Variants in ZNF184 observed in about 807,000 individuals in gnomAD.
The protein encoded by ZNF184 is zinc finger protein 184, also known as zinc finger protein 184 (Kruppel-like).
In ZNF184, 16 loss-of-function variants were observed where a neutral mutation model predicts 54.4. The observed-to-expected ratio is 0.29, with a 90% CI of 0.20 to 0.45. ZNF184 has a LOEUF of 0.45. ZNF184 is among the 20% of genes least tolerant of loss of function. The pLI, the probability that ZNF184 is intolerant of heterozygous loss-of-function variation, is 1.00. For missense variants in ZNF184, 681 were observed against 888.2 expected (o/e 0.77, Z 2.97); for synonymous variants, 254 against 295.3 (o/e 0.86, Z 1.43).
chr6:27,456,758 T>C, intron 5 of ZNF184, 68 bp downstream of exon 5: 2 of 1,366,330 alleles, frequency 1.5e-6, no homozygotes, highest in African/African-American at 1.4e-5. Context: ...ACTTCAGACA[T>C]AAAATCCTCT....
At chr6:27,404,929 A>G in the ZNF184 span, 1 of 152,062 alleles carries the variant, frequency 6.6e-6, no homozygotes, top group Non-Finnish European at 1.5e-5. Context: ...AGGCACAAGA[A>G]TCGGTTGAAT....
the ZNF184 span, among the ~76,000 whole-genome samples, chr6:27,428,382 C>A: frequency 6.6e-6 from 1 of 152,172 alleles, no homozygotes; most frequent in Non-Finnish European, 1.5e-5. This position sits in a 1 kb window ranked among gnomAD's most constrained non-coding sequence, Gnocchi z 4.1. Flanking sequence ...TCACCATGCA[C>A]ACGTTTATTG....
chr6:27,425,048 C>T, the ZNF184 span, among the ~76,000 whole-genome samples: 1 of 152,214 alleles, frequency 6.6e-6, no homozygotes, highest in Non-Finnish European at 1.5e-5. Context: ...ACCCAGTACA[C>T]CCTCCGCAGC....
chr6:27,437,080 G>T, the ZNF184 span, among the ~76,000 whole-genome samples: 1 of 152,182 alleles, frequency 6.6e-6, no homozygotes, highest in South Asian at 2.1e-4. Flanking sequence ...AATACTCATA[G>T]TCAACTATTG....
chr6:27,438,670 A>G, the ZNF184 span, among the ~76,000 whole-genome samples: 1 of 152,206 alleles, frequency 6.6e-6, no homozygotes, highest in Non-Finnish European at 1.5e-5. Flanking sequence ...GAAATATCCC[A>G]ATATTAGCAA....
Position 27,451,622 on chromosome 6 carries a change from T to G in ZNF184, c.1937A>C (p.Lys646Thr). 2.5e-6 allele frequency: 4 copies of G among 1,614,148 alleles called. No individual in the cohort carries two copies. The highest frequency in any genetic ancestry group is 1.6e-4 in the Middle Eastern group (1 of 6,062). ...HTEEKPYQCN[K>T]CEKTFSQSSH... ...GCTCTGGCTAAAGGTCTTTTCACAT[T>G]TATTACACTGGTAGGGTTTTTCTTC... is the stretch of plus-strand genomic sequence containing the variant. Residue 646 changes from lysine to threonine, a missense_variant, in exon 6 of 6, where the codon AAA (lysine) becomes ACA (threonine). Lys to Thr is a moderately conservative substitution (Grantham distance 78). Transcript: ENST00000683788.
chr6:27,467,810 C>G, intron 3 of ZNF184, 43 bp downstream of exon 3: 1 of 1,552,146 alleles, frequency 6.4e-7, no homozygotes, highest in Non-Finnish European at 8.8e-7. Flanking sequence ...ACCACAATCA[C>G]CCTCTAAAGA....
the ZNF184 span, among the ~76,000 whole-genome samples, chr6:27,422,848 G>C: frequency 6.6e-6 from 1 of 152,146 alleles, no homozygotes; most frequent in Admixed American, 6.5e-5. Context: ...TGACACACAG[G>C]AACTTTCGTA....
At chr6:27,406,814 A>C in the ZNF184 span, 1 of 152,238 alleles carries the variant, frequency 6.6e-6, no homozygotes, top group African/African-American at 2.4e-5. Context: ...CATTGGGTGA[A>C]CCTGTAACGG....
At chr6:27,463,599 G>A (rs1763054213) in intron 3 of ZNF184, among the ~76,000 whole-genome samples, 1 of 151,884 alleles carries the variant, frequency 6.6e-6, no homozygotes, top group South Asian at 2.1e-4. Flanking sequence ...TTCCAAACTT[G>A]ATTTTAACCA....
rs1354524644 is a variant in ZNF184 at position 27,452,444 on chromosome 6, G to A, written c.1115C>T (p.Thr372Ile). ...FKCDECDKTF[T>I]RSTHLTQHQK... Reference sequence around the variant, plus strand: ...ATGTTGAGTAAGGTGTGTGCTCCTGGTGAAGGTTTTATCACATTCATCACA... The same window carrying A: ...ATGTTGAGTAAGGTGTGTGCTCCTGATGAAGGTTTTATCACATTCATCACA... Residue 372 changes from threonine (T) to isoleucine (I), a missense_variant, in exon 6 of 6, where the codon ACC (threonine) becomes ATC (isoleucine). Transcript: ENST00000683788. This position sits in a 1 kb window ranked among gnomAD's most constrained non-coding sequence, Gnocchi z 5.5. 1 of 1,613,944 alleles carries A rather than the reference G, an allele frequency of 6.2e-7. No homozygotes were observed. Among genetic ancestry groups the A allele is most frequent in the Admixed American group, 1.7e-5 (1 of 59,982 alleles).
intron 2 of ZNF184, among the ~76,000 whole-genome samples, chr6:27,468,259 T>G (rs185274602): frequency 5.2e-4 from 79 of 152,334 alleles, no homozygotes; most frequent in Middle Eastern, 3.4e-3. Flanking sequence ...CCGATTACTT[T>G]CCAAAAGCCT....
At chr6:27,462,581 G>A (rs181363746) in intron 3 of ZNF184, among the ~76,000 whole-genome samples, 252 of 150,766 alleles carry the variant, frequency 1.7e-3, no homozygotes, top group African/African-American at 5.7e-3. Context: ...AGACTATCAG[G>A]CAGCTGGGCA....
chr6:27,423,415 T>C, the ZNF184 span, among the ~76,000 whole-genome samples: 3 of 152,214 alleles, frequency 2.0e-5, no homozygotes, highest in Non-Finnish European at 2.9e-5. Flanking sequence ...TCACATGTAT[T>C]TTCCAAGCCT....
chr6:27,406,102 A>G, the ZNF184 span: 1 of 152,244 alleles, frequency 6.6e-6, no homozygotes, highest in Admixed American at 6.5e-5. Flanking sequence ...CTATACATAT[A>G]GCCCTGCAGC....
At chr6:27,456,719 A>C (rs1314638554) in intron 5 of ZNF184, 107 bp downstream of exon 5, 2 of 949,762 alleles carry the variant, frequency 2.1e-6, no homozygotes, top group Non-Finnish European at 3.2e-6. Flanking sequence ...TCCACAGGAA[A>C]TACTTTAAAG....
At chr6:27,435,143 T>A in the ZNF184 span, among the ~76,000 whole-genome samples, 1 of 152,190 alleles carries the variant, frequency 6.6e-6, no homozygotes, top group Non-Finnish European at 1.5e-5. Context: ...TCCTTTGAGA[T>A]ACCATGTGAA....
In ZNF184 at chr6:27,453,799, C is replaced by T. The variant is rs368280018; in HGVS notation, c.299-539G>A. On this transcript the variant is annotated intron_variant, in intron 5 of 5. Coordinates refer to ENST00000683788, the MANE Select transcript of ZNF184 (RefSeq NM_001318891.2). The surrounding 1 kb of genome is among the most constrained non-coding windows in gnomAD (Gnocchi z 4.7). ...CAGGGAGAAACTAACAAGTTCAAGT[C>T]TAGGCATTTTGAGAATTAAGAAAAG... 2.6e-5 allele frequency among the ~76,000 whole-genome samples: 4 copies of T among 152,190 alleles called. No individual in the cohort carries two copies. Among genetic ancestry groups the T allele is most frequent in the South Asian group, 4.1e-4 (2 of 4,824 alleles).
chr6:27,422,206 A>C, the ZNF184 span, among the ~76,000 whole-genome samples: 1 of 108,136 alleles, frequency 9.2e-6, no homozygotes, highest in African/African-American at 3.3e-5. Context: ...GAAAGAAAGA[A>C]AGAAAGAAAG....
Sources: gnomAD v4.1 joint callset for allele counts (sites outside exome capture counted in the v4.1 genomes callset) on GRCh38, gnomAD v4.1.1 for gene constraint, Gnocchi (gnomAD v3.1) non-coding constraint, MANE v1.5 for transcripts, NCBI Gene and HGNC (gene_info 2026-07-23, HGNC 2026-07-21) for gene names.